The following C2 variants were observed in gnomAD, a reference collection of about 807,000 sequenced individuals.
C2 encodes complement C2, also known as C3/C5 convertase.
In C2, 64 loss-of-function variants were observed where a neutral mutation model predicts 85.2. That is an observed-to-expected ratio of 0.75 (90% CI 0.61 to 0.92). The LOEUF is 0.92. Ranked by LOEUF, C2 falls within the 40% of genes least tolerant of loss-of-function variation. The probability of loss-of-function intolerance (pLI) is 0.00; values close to 1 mark genes in which losing one functional copy is unlikely to be tolerated. For missense variants in C2, 820 were observed against 971.6 expected, an observed-to-expected ratio of 0.84 and a Z score of 2.07; for synonymous variants, 311 against 370.8, an observed-to-expected ratio of 0.84 and a Z score of 1.85.
rs1369602577 is a variant in C2 at position 31,927,737 on chromosome 6, C to T, written c.-16C>T. On this transcript the variant is annotated 5_prime_UTR_variant, in exon 1 of 18. Coordinates refer to ENST00000299367, the MANE Select transcript of C2 (RefSeq NM_000063.6). This position sits in a 1 kb window ranked among gnomAD's most constrained non-coding sequence, Gnocchi z 4.7. ...CCCGCGGCTCTCTACCTCTCGCCGC[C>T]CCTAGGGAGGACACCATGGGCCCAC... 4 of 1,612,970 alleles carry T rather than the reference C, an allele frequency of 2.5e-6. No individual in the cohort carries two copies. The highest frequency in any genetic ancestry group is 3.4e-6 in the Non-Finnish European group (4 of 1,180,018).
intron 5 of C2, 95 bp from the exon 6 acceptor site, chr6:31,934,071 C>T (rs959353903): frequency 6.4e-7 from 1 of 1,562,596 alleles, no homozygotes. Flanking sequence ...TGGGCTCAGC[C>T]ACTGAAAGGG....
chr6:31,942,677 C>CT (rs1770978739), intron 9 of C2, among the ~76,000 whole-genome samples: 2 of 152,222 alleles, frequency 1.3e-5, no homozygotes, highest in Admixed American at 6.5e-5. Context: ...ATGTGGAAGT[C>CT]TGGGGGGGAG....
At chr6:31,932,028 C>T (rs1195221239) in intron 3 of C2, among the ~76,000 whole-genome samples, 1 of 139,238 alleles carries the variant, frequency 7.2e-6, no homozygotes, top group Non-Finnish European at 1.6e-5. Flanking sequence ...GAGTGGCTGG[C>T]CGGGCAGAGG....
chr6:31,923,773 G>A (rs1322018430), upstream of C2, among the ~76,000 whole-genome samples: 93 of 133,250 alleles, frequency 7.0e-4, no homozygotes, highest in Middle Eastern at 6.8e-3. Flanking sequence ...ACAGGCGTAA[G>A]CCACCGCACC....
Position 31,932,193 on chromosome 6 carries a change from C to T in C2, c.443-1417C>T, listed in dbSNP as rs1220848683. On this transcript the variant is annotated intron_variant, in intron 3 of 17. Transcript: ENST00000299367. The stretch of plus-strand genomic sequence containing the variant: ...CTCCTCACTTCCCAGTAGGGGCGGC[C>T]GGGCAGAGGCGCCCCTCACTTCCCG... Among the ~76,000 whole-genome samples the T allele has an allele frequency of 1.1e-4, 15 of 142,676 alleles. No homozygotes were observed. The South Asian group carries it at 1.6e-3, about 15-fold the overall frequency. 93.6% of individuals were successfully genotyped at this position (142,676 alleles called of 152,430 possible).
upstream of C2, among the ~76,000 whole-genome samples, chr6:31,918,970 C>T (rs939908816): frequency 1.2e-4 from 18 of 151,438 alleles, no homozygotes; most frequent in South Asian, 1.3e-3. Flanking sequence ...GAACCGAGAC[C>T]GTCTATGAAC....
upstream of C2, chr6:31,899,893 G>A (rs1422334803): frequency 1.3e-6 from 2 of 1,534,556 alleles, no homozygotes; most frequent in Non-Finnish European, 1.8e-6. Context: ...GCAGCCCAGG[G>A]GCCCCAGCCT....
At chr6:31,917,939 G>A (rs183651337), upstream of C2, among the ~76,000 whole-genome samples, 202 of 152,070 alleles carry the variant, frequency 1.3e-3, no homozygotes, top group African/African-American at 4.2e-3. Context: ...TCTTATGTAA[G>A]TGAGAAATGT....
intron 1 of C2, among the ~76,000 whole-genome samples, chr6:31,902,273 G>A (rs1767395416): frequency 6.7e-6 from 1 of 150,114 alleles, no homozygotes; most frequent in Admixed American, 6.6e-5. Flanking sequence ...TCCAAGCCCC[G>A]CGGCCAGTTT....
intron 1 of C2, among the ~76,000 whole-genome samples, chr6:31,912,532 A>G (rs1245070072): frequency 6.6e-6 from 1 of 151,994 alleles, no homozygotes; most frequent in African/African-American, 2.4e-5. Flanking sequence ...GGGTGGTACC[A>G]TGTGCTCTTT....
chr6:31,919,581 GT>G (rs1313501407), upstream of C2, among the ~76,000 whole-genome samples: 2 of 152,268 alleles, frequency 1.3e-5, no homozygotes, highest in South Asian at 4.1e-4. Flanking sequence ...CTCCTATCCA[GT>G]TTTTTGTAAA....
chr6:31,942,124 CTT>C (rs28986183), intron 9 of C2, among the ~76,000 whole-genome samples: 5 of 122,384 alleles, frequency 4.1e-5, no homozygotes, highest in East Asian at 2.4e-4. Flanking sequence ...CTCACCTCTT[CTT>C]TTTTTTTTTT....
chr6:31,941,807 C>T (rs950279142), intron 9 of C2: 1 of 132,188 alleles, frequency 7.6e-6, no homozygotes, highest in African/African-American at 3.1e-5. Flanking sequence ...CATGCCCAGC[C>T]AGTTCACTTT....
chr6:31,901,001 T>C, upstream of C2: 1 of 1,614,210 alleles, frequency 6.2e-7, no homozygotes, highest in East Asian at 2.2e-5. Flanking sequence ...TGTAAGGTAG[T>C]TGACGATGTC....
At chr6:31,931,917 ACGGCGCGGC>A (rs1158123007) in intron 3 of C2, among the ~76,000 whole-genome samples, 4 of 73,100 alleles carry the variant, frequency 5.5e-5, no homozygotes, top group Non-Finnish European at 9.8e-5. Context: ...TCCCTCCCGG[ACGGCGCGGC>A]TGGCCGGGCG....
Position 31,928,043 on chromosome 6 carries a change from C to G in C2, c.135C>G (p.Ser45Arg). 6.2e-7 allele frequency: 1 copy of G among 1,614,162 alleles called. No homozygotes were observed. The highest frequency in any genetic ancestry group is 8.5e-7 in the Non-Finnish European group (1 of 1,180,020). Reference sequence around the variant, plus strand: ...TCAGCCATGGCTGGGCTCCTGGGAGCCTTCTCACCTACTCCTGCCCCCAGG... The same window carrying G: ...TCAGCCATGGCTGGGCTCCTGGGAGGCTTCTCACCTACTCCTGCCCCCAGG... ...FTLSHGWAPG[S>R]LLTYSCPQGL... The change falls in exon 2 of 18, where the codon AGC becomes AGG. Residue 45 changes from serine to arginine, a missense_variant. Physicochemically the swap from Ser to Arg is moderately radical, Grantham distance 110. Transcript: ENST00000299367.
intron 3 of C2, chr6:31,932,538 C>G (rs1769966154): frequency 1.0e-5 from 2 of 193,778 alleles, no homozygotes; most frequent in African/African-American, 2.6e-5. Context: ...CAGAGACGCT[C>G]CTCACTTCCC....
upstream of C2, among the ~76,000 whole-genome samples, chr6:31,917,168 C>A: frequency 7.3e-6 from 1 of 136,320 alleles, no homozygotes. Context: ...GAGACTCTGT[C>A]TCAGAAAAAA....
chr6:31,900,025 C>T (rs1362715356), upstream of C2: 1 of 1,612,130 alleles, frequency 6.2e-7, no homozygotes, highest in South Asian at 1.1e-5. The surrounding 1 kb of genome is among the most constrained non-coding windows in gnomAD (Gnocchi z 9.7). Flanking sequence ...TAATGGCAGG[C>T]TTGTGGGCGA....
Sources: allele counts gnomAD v4.1 joint callset (sites outside exome capture counted in the v4.1 genomes callset), GRCh38; gene constraint gnomAD v4.1.1; non-coding constraint Gnocchi (gnomAD v3.1); transcripts MANE v1.5; gene names NCBI Gene and HGNC (gene_info 2026-07-23, HGNC 2026-07-21).